The following PAPOLB variants were observed in gnomAD, a reference collection of about 807,000 sequenced individuals.
The protein encoded by PAPOLB is poly(A) polymerase beta.
Under a neutral mutation model 23.2 loss-of-function variants are expected in PAPOLB, and 19 were observed. The observed-to-expected ratio is 0.82, with a 90% CI of 0.57 to 1.20. The LOEUF (loss-of-function observed/expected upper bound fraction) is 1.20, where lower values mean the gene tolerates loss of function less well. Ranked by LOEUF, PAPOLB falls within the 50% of genes most tolerant of loss-of-function variation. The pLI is 0.00. For missense variants in PAPOLB, 822 were observed against 776.8 expected (o/e 1.06, Z -0.69); for synonymous variants, 360 against 290.7 (o/e 1.24, Z -2.43).
Position 4,860,373 on chromosome 7 carries a change from T to C in PAPOLB, c.1438A>G (p.Met480Val). The change falls in exon 1 of 1, where the codon ATG becomes GTG. Residue 480 changes from methionine (M) to valine (V), a missense_variant. Met to Val is a conservative substitution (Grantham distance 21). Around this residue, in one of 3 missense-constraint regions of PAPOLB, gnomAD observed 534 missense variants for 502.8 expected, o/e 1.06. Coordinates refer to ENST00000404991, the MANE Select transcript of PAPOLB (RefSeq NM_020144.5). ...TGCATTGCAGTAATTTTCATACCCA[T>C]CTCAAACATCTTACTATTCACTGCT... ...RQAVNSKMFEMGMKITAMHLR... is the reference protein window; with the variant it reads ...RQAVNSKMFEVGMKITAMHLR... The C allele has an allele frequency of 1.2e-6, 2 of 1,613,968 alleles. No homozygotes were observed. The highest frequency in any genetic ancestry group is 1.7e-6 in the Non-Finnish European group (2 of 1,179,826).
rs375018639 is a variant in PAPOLB, at chr7:4,860,394, C to G, written c.1417G>C (p.Val473Leu). The change falls in exon 1 of 1, where the codon GTG becomes CTG. Residue 473 changes from valine to leucine, a missense_variant. This residue lies in a region of PAPOLB where 534 missense variants were observed against 502.8 expected (regional missense o/e 1.06). Coordinates refer to ENST00000404991, the MANE Select transcript of PAPOLB (RefSeq NM_020144.5). ...SFTDTVYRQA[V>L]NSKMFEMGMK... ...CCCATCTCAAACATCTTACTATTCA[C>G]TGCTTGCCTATAAACAGTATCTGTG... The G allele has an allele frequency of 6.2e-7, 1 of 1,613,886 alleles. No individual in the cohort carries two copies. The highest frequency in any genetic ancestry group is 1.3e-5 in the African/African-American group (1 of 74,938).
In PAPOLB at chr7:4,860,347, A is replaced by G. The variant is rs766435065; in HGVS notation, c.1464T>C (p.His488=). 2.5e-6 allele frequency: 4 copies of G among 1,613,882 alleles called. No homozygotes were observed. The highest frequency in any genetic ancestry group is 3.4e-6 in the Non-Finnish European group (4 of 1,179,894). The change falls in exon 1 of 1, where the codon CAT becomes CAC. Residue 488 remains histidine, a synonymous_variant. Coordinates refer to ENST00000404991, the MANE Select transcript of PAPOLB (RefSeq NM_020144.5). ...FEMGMKITAM[H]LRRKELHQLL... is the part of the protein sequence containing the mutation. ...GCTGGTGAAGTTCCTTTCTTCTTAA[A>G]TGCATTGCAGTAATTTTCATACCCA...
Position 4,861,382 on chromosome 7 carries a change from T to C in PAPOLB, c.429A>G (p.Glu143=). ...CCTCGACAGCCCTTAAATCTTTCAC[T>C]TCCTCCTGTAGTTTCAGTTTAGCAT... The part of the protein sequence containing the change: ...SFYAKLKLQE[E]VKDLRAVEEA... Residue 143 remains glutamate, a synonymous_variant, in exon 1 of 1, where the codon GAA becomes GAG. Coordinates refer to ENST00000404991, the MANE Select transcript of PAPOLB (RefSeq NM_020144.5). 6.2e-7 allele frequency: 1 copy of C among 1,614,206 alleles called. No homozygotes were observed.
chr7:4,861,584 C>G lies in PAPOLB; in HGVS notation c.227G>C (p.Trp76Ser). ...CTTGCTTTCACTGATTTCGCGTATCCATTCCTTTACCAGATTATTTAATTT... is the reference window on the plus strand; with the variant it reads ...CTTGCTTTCACTGATTTCGCGTATCGATTCCTTTACCAGATTATTTAATTT... ...LEKLNNLVKE[W>S]IREISESKSL... The change falls in exon 1 of 1, where the codon TGG (tryptophan) becomes TCG (serine). Residue 76 changes from tryptophan to serine, a missense_variant. Physicochemically the swap from Trp to Ser is radical, Grantham distance 177 (BLOSUM62 -3). Coordinates refer to ENST00000404991, the MANE Select transcript of PAPOLB (RefSeq NM_020144.5). 6.2e-7 allele frequency: 1 copy of G among 1,613,446 alleles called. No homozygotes were observed. Among genetic ancestry groups the G allele is most frequent in the South Asian group, 1.1e-5 (1 of 90,974 alleles).
Position 4,861,933 on chromosome 7 carries a change from C to G in PAPOLB, c.-123G>C, listed in dbSNP as rs1784019577. 3.7e-6 allele frequency: 2 copies of G among 542,612 alleles called. No homozygotes were observed. Among genetic ancestry groups the G allele is most frequent in the Non-Finnish European group, 5.9e-6 (2 of 338,434 alleles). The allele number at this position is 542,612 out of a possible 1,614,324, so 33.6% of individuals were successfully genotyped here. A position where few individuals can be genotyped will look rare whatever the true frequency, so the allele number is the denominator to read the frequency against. On this transcript the variant is annotated 5_prime_UTR_variant, in exon 1 of 1. Transcript: ENST00000404991. ...CTAGCTGCCCTGGTCCGACCCCACT[C>G]CCACTCCCGCTGCGCGCCCGCCGCT...
At position 4,861,513 on chromosome 7, in the gene PAPOLB, T is replaced by C. The variant is rs770072420; in HGVS notation, c.298A>G (p.Thr100Ala). ...ACTCCTAATCTGTAAGAGCCAAACG[T>C]AAAAATCTTTCCTCCAACGTTTTCA... ...VIENVGGKIF[T>A]FGSYRLGVHT... Residue 100 changes from threonine (T) to alanine (A), a missense_variant, in exon 1 of 1, where the codon ACG becomes GCG. Transcript: ENST00000404991. The C allele has an allele frequency of 2.5e-6, 4 of 1,614,036 alleles. No individual in the cohort carries two copies. Among genetic ancestry groups the C allele is most frequent in the Non-Finnish European group, 3.4e-6 (4 of 1,179,898 alleles).
Position 4,861,385 on chromosome 7 carries a change from C to T in PAPOLB, c.426G>A (p.Glu142=). ...CGACAGCCCTTAAATCTTTCACTTC[C>T]TCCTGTAGTTTCAGTTTAGCATAGA... The part of the protein sequence containing the change: ...TSFYAKLKLQ[E]EVKDLRAVEE... The change falls in exon 1 of 1, where the codon GAG becomes GAA. Residue 142 remains glutamate (E), a synonymous_variant. Coordinates refer to ENST00000404991, the MANE Select transcript of PAPOLB (RefSeq NM_020144.5). 3 of 1,614,202 alleles carry T rather than the reference C, an allele frequency of 1.9e-6. No homozygotes were observed. The highest frequency in any genetic ancestry group is 2.5e-6 in the Non-Finnish European group (3 of 1,180,022).
Position 4,860,867 on chromosome 7 carries a change from G to C in PAPOLB, c.944C>G (p.Pro315Arg), listed in dbSNP as rs756188881. 1 of 1,614,114 alleles carries C rather than the reference G, an allele frequency of 6.2e-7. No individual in the cohort carries two copies. Among genetic ancestry groups the C allele is most frequent in the Non-Finnish European group, 8.5e-7 (1 of 1,179,970 alleles). ...CTGTGGGTATGCTGGTGTGATGATA[G>C]GCATAAGATGGTACCTATCACTGGG... ...VNPSDRYHLM[P>R]IITPAYPQQN... Residue 315 changes from proline (P) to arginine (R), a missense_variant, in exon 1 of 1, where the codon CCT becomes CGT. By Grantham distance (103) the Pro-to-Arg change is moderately radical (BLOSUM62 -2). Around this residue, in one of 3 missense-constraint regions of PAPOLB, gnomAD observed 534 missense variants for 502.8 expected, o/e 1.06. Transcript: ENST00000404991.
Position 4,858,053 on chromosome 7 carries a change from A to G in PAPOLB, c.*1844T>C, listed in dbSNP as rs902428841. The stretch of plus-strand genomic sequence containing the variant: ...CAACCTAACGCCATAGCCATTCAAA[A>G]TACAGATATTGTGCACACTTCACCC... On this transcript the variant is annotated 3_prime_UTR_variant, in exon 1 of 1. Transcript: ENST00000404991. The G allele has an allele frequency of 3.3e-5, 5 of 152,648 alleles. No homozygotes were observed. The highest frequency in any genetic ancestry group is 7.3e-5 in the Non-Finnish European group (5 of 68,036). The allele number at this position is 152,648 out of a possible 1,614,324, so 9.5% of individuals were successfully genotyped here.
In PAPOLB at chr7:4,861,407, T is replaced by G; in HGVS notation, c.404A>C (p.Tyr135Ser). The change falls in exon 1 of 1, where the codon TAT becomes TCT. Residue 135 changes from tyrosine (Y) to serine (S), a missense_variant. Tyr to Ser is a moderately radical substitution (Grantham distance 144, BLOSUM62 -2). Around this residue, in one of 3 missense-constraint regions of PAPOLB, gnomAD observed 276 missense variants for 243.9 expected, o/e 1.13. Transcript: ENST00000404991. ...VDRSDFFTSF[Y>S]AKLKLQEEVK... ...TTCCTCCTGTAGTTTCAGTTTAGCA[T>G]AGAATGAGGTGAAAAAGTCGCTTCG... 1 of 1,614,194 alleles carries G rather than the reference T, an allele frequency of 6.2e-7. No individual in the cohort carries two copies. The highest frequency in any genetic ancestry group is 8.5e-7 in the Non-Finnish European group (1 of 1,180,018).
chr7:4,861,060 C>A lies in PAPOLB; in HGVS notation c.751G>T (p.Ala251Ser). ...ILGFLGGVSWAMLVARTCQLY... is the reference protein window; with the variant it reads ...ILGFLGGVSWSMLVARTCQLY... ...TGACAAGTTCTTGCTACTAGCATGG[C>A]CCAGGAAACACCTCCGAGGAAACCT... The change falls in exon 1 of 1, where the codon GCC (alanine) becomes TCC (serine). Residue 251 changes from alanine (A) to serine (S), a missense_variant. Physicochemically the swap from Ala to Ser is moderately conservative, Grantham distance 99. Transcript: ENST00000404991. 2.5e-6 allele frequency: 4 copies of A among 1,614,198 alleles called. No homozygotes were observed. Among genetic ancestry groups the A allele is most frequent in the Non-Finnish European group, 3.4e-6 (4 of 1,180,022 alleles).
Position 4,860,693 on chromosome 7 carries a change from T to C in PAPOLB, c.1118A>G (p.Lys373Arg), listed in dbSNP as rs1243487025. ...FEAPSFFQKYKHYIVLLASAS... is the reference protein window; with the variant it reads ...FEAPSFFQKYRHYIVLLASAS... ...ACTTGCCAGAAGTACAATATAATGC[T>C]TGTACTTTTGAAAGAAGCTTGGAGC... The change falls in exon 1 of 1, where the codon AAG (lysine) becomes AGG (arginine). Residue 373 changes from lysine to arginine, a missense_variant. By Grantham distance (26) the Lys-to-Arg change is conservative. Coordinates refer to ENST00000404991, the MANE Select transcript of PAPOLB (RefSeq NM_020144.5). The C allele has an allele frequency of 1.2e-6, 2 of 1,614,088 alleles. No homozygotes were observed. The highest frequency in any genetic ancestry group is 1.3e-5 in the African/African-American group (1 of 74,942).
rs747187456 is a variant in PAPOLB, at chr7:4,859,928, T to A, written c.1883A>T (p.Glu628Val). ...GATTAGATATGTTTGTTGCTGAGTT[T>A]CCTGAAGGTCTGGATGGCTTATGAG... is the stretch of plus-strand genomic sequence containing the variant. ...TCLISHPDLQ[E>V]TQQQTYLIL The change falls in exon 1 of 1, where the codon GAA (glutamate) becomes GTA (valine). Residue 628 changes from glutamate (E) to valine (V), a missense_variant. Glu to Val is a moderately radical substitution (Grantham distance 121). This residue lies in a region of PAPOLB where 534 missense variants were observed against 502.8 expected (regional missense o/e 1.06). Transcript: ENST00000404991. 3 of 1,613,218 alleles carry A rather than the reference T, an allele frequency of 1.9e-6. No homozygotes were observed. In the Middle Eastern group the frequency reaches 5.0e-4, roughly 266 times the overall value.
Position 4,861,618 on chromosome 7 carries a change from C to T in PAPOLB, c.193G>A (p.Val65Ile), listed in dbSNP as rs768082712. The T allele has an allele frequency of 3.7e-6, 6 of 1,611,888 alleles. No homozygotes were observed. The South Asian group carries it at 6.6e-5, about 18-fold the overall frequency. ...EEEELQRRILVLEKLNNLVKE... is the reference protein window; with the variant it reads ...EEEELQRRILILEKLNNLVKE... ...ACCAGATTATTTAATTTTTCCAAAA[C>T]TAAAATCCTGCGCTGCAGTTCCTCT... The change falls in exon 1 of 1, where the codon GTT becomes ATT. Residue 65 changes from valine to isoleucine, a missense_variant. This residue lies in a region of PAPOLB where 276 missense variants were observed against 243.9 expected (regional missense o/e 1.13). Coordinates refer to ENST00000404991, the MANE Select transcript of PAPOLB (RefSeq NM_020144.5).
In PAPOLB at chr7:4,859,871, A is replaced by G. The variant is rs1414125454; in HGVS notation, c.*26T>C. On this transcript the variant is annotated 3_prime_UTR_variant, in exon 1 of 1. Coordinates refer to ENST00000404991, the MANE Select transcript of PAPOLB (RefSeq NM_020144.5). ...TTTTCTTGGTCCTTTCTTCTTTATGAGGCAAGAATATCCTCTAGACTCCAA... is the reference window on the plus strand; with the variant it reads ...TTTTCTTGGTCCTTTCTTCTTTATGGGGCAAGAATATCCTCTAGACTCCAA... 1.4e-6 allele frequency: 2 copies of G among 1,467,242 alleles called. No individual in the cohort carries two copies. Among genetic ancestry groups the G allele is most frequent in the Admixed American group, 3.9e-5 (2 of 51,030 alleles). The allele number at this position is 1,467,242 out of a possible 1,614,324, so 90.9% of individuals were successfully genotyped here. A position where few individuals can be genotyped will look rare whatever the true frequency, so the allele number is the denominator to read the frequency against.
rs958310996 is a variant in PAPOLB at position 4,858,391 on chromosome 7, T to C, written c.*1506A>G. 3 of 152,294 alleles carry C rather than the reference T, an allele frequency of 2.0e-5. No homozygotes were observed. Among genetic ancestry groups the C allele is most frequent in the African/African-American group, 7.2e-5 (3 of 41,454 alleles). The allele number at this position is 152,294 out of a possible 1,614,324, so 9.4% of individuals were successfully genotyped here. On this transcript the variant is annotated 3_prime_UTR_variant, in exon 1 of 1. Coordinates refer to ENST00000404991, the MANE Select transcript of PAPOLB (RefSeq NM_020144.5). ...TGTTGCCCCTCACATTTCCTAATCA[T>C]AGATGCTCTACTGCTTAATTATGAG...
rs1280759684 is a variant in PAPOLB, at chr7:4,860,959, GT to G, written c.851del (p.Asn284ThrfsTer5). Reference protein sequence around the residue: ...FLVFSEWEWPNPVLLKEPEER... With the variant: ...FLVFSEWEWPXPVLLKEPEER... ...CTTCAGGCTCCTTCAGTAACACTGG[GT>G]TTGGCCATTCCCATTCTGAAAATAC... On this transcript the variant is annotated frameshift_variant, in exon 1 of 1. Coordinates refer to ENST00000404991, the MANE Select transcript of PAPOLB (RefSeq NM_020144.5). LOFTEE classifies it high-confidence loss of function. 2 of 1,614,098 alleles carry G rather than the reference GT, an allele frequency of 1.2e-6. No homozygotes were observed. Among genetic ancestry groups the G allele is most frequent in the Non-Finnish European group, 1.7e-6 (2 of 1,180,054 alleles).
At position 4,861,836 on chromosome 7, in the gene PAPOLB, A is replaced by ACGTCCCCCACCACCGCGACCTTCC; in HGVS notation, c.-27_-26insGGAAGGTCGCGGTGGTGGGGGACG. On this transcript the variant is annotated 5_prime_UTR_variant, in exon 1 of 1. Transcript: ENST00000404991. ...CTTTCAGCGCCCGCCCCGCCAGGGC[A>ACGTCCCCCACCACCGCGACCTTCC]CGTCCCCCACCACCGCGACCTTCGC... The ACGTCCCCCACCACCGCGACCTTCC allele has an allele frequency of 2.8e-6, 4 of 1,405,844 alleles. No homozygotes were observed. Among genetic ancestry groups the ACGTCCCCCACCACCGCGACCTTCC allele is most frequent in the Non-Finnish European group, 3.7e-6 (4 of 1,078,036 alleles). The allele number at this position is 1,405,844 out of a possible 1,614,324, so 87.1% of individuals were successfully genotyped here. A position where few individuals can be genotyped will look rare whatever the true frequency, so the allele number is the denominator to read the frequency against.
rs955376899 is a variant in PAPOLB, at chr7:4,860,261, GTCAA to G, written c.1546_1549del (p.Leu516GlnfsTer3). The stretch of plus-strand genomic sequence containing the variant: ...GTCAAAGCTGCTGTCGTTCAAATCT[GTCAA>G]TCTTCTACCTTCTGTTGAGTGTGCT... On this transcript the variant is annotated frameshift_variant, in exon 1 of 1. Coordinates refer to ENST00000404991, the MANE Select transcript of PAPOLB (RefSeq NM_020144.5). 1.5e-5 allele frequency: 24 copies of G among 1,613,840 alleles called. No homozygotes were observed. Among genetic ancestry groups the G allele is most frequent in the Non-Finnish European group, 2.0e-5 (24 of 1,179,888 alleles).
Sources: allele counts gnomAD v4.1 joint callset, GRCh38; gene constraint gnomAD v4.1.1; regional missense constraint gnomAD v4.1.1; transcripts MANE v1.5; gene names NCBI Gene and HGNC (gene_info 2026-07-23, HGNC 2026-07-21).